OSBPL10: variants seen among roughly 807,000 people sequenced by gnomAD.
OSBPL10 encodes oxysterol-binding protein-related protein 10.
Under a neutral mutation model 81.7 loss-of-function variants are expected in OSBPL10, and 49 were observed. The ratio of observed to expected loss-of-function variants is 0.60; its 90% CI spans 0.48 to 0.76. The LOEUF is 0.76. Ranked by LOEUF, OSBPL10 falls within the 30% of genes least tolerant of loss-of-function variation. The pLI is 0.00. For missense variants in OSBPL10, 923 were observed against 987.8 expected, an observed-to-expected ratio of 0.93 and a Z score of 0.88; for synonymous variants, 419 against 383.6, an observed-to-expected ratio of 1.09 and a Z score of -1.08.
At chr3:31,877,111 T>A (rs1701494403) in intron 2 of OSBPL10, among the ~76,000 whole-genome samples, 1 of 152,106 alleles carries the variant, frequency 6.6e-6, no homozygotes, top group African/African-American at 2.4e-5. Flanking sequence ...TTCACTGTGT[T>A]AGCCAGGATG....
At chr3:31,792,109 G>A (rs909306843) in intron 4 of OSBPL10, among the ~76,000 whole-genome samples, 25 of 151,880 alleles carry the variant, frequency 1.6e-4, no homozygotes, top group Non-Finnish European at 1.2e-4. Context: ...CACATCTGCG[G>A]TCCCAGCTAC....
intron 4 of OSBPL10, among the ~76,000 whole-genome samples, chr3:31,780,016 G>C (rs1290674831): frequency 6.6e-6 from 1 of 152,196 alleles, no homozygotes. Context: ...TAATAGGCCA[G>C]GTGTGGTGGC....
chr3:32,063,762 C>G (rs1356424327), intron 1 of OSBPL10, among the ~76,000 whole-genome samples: 1 of 92,444 alleles, frequency 1.1e-5, no homozygotes, highest in African/African-American at 2.8e-5. Flanking sequence ...CAGTTCCCCA[C>G]TTTCTCGCTG....
chr3:31,773,060 AAACT>A, intron 4 of OSBPL10, among the ~76,000 whole-genome samples: 1 of 152,078 alleles, frequency 6.6e-6, no homozygotes, highest in African/African-American at 2.4e-5. Context: ...TTAAACAAAC[AAACT>A]GACAAATAAA....
chr3:31,995,155 G>A (rs1025324655), intron 2 of OSBPL10, among the ~76,000 whole-genome samples: 6 of 152,162 alleles, frequency 3.9e-5, no homozygotes, highest in Non-Finnish European at 8.8e-5. Context: ...GTATTGTCTT[G>A]ATAAACATCT....
chr3:32,003,781 T>A (rs1468514866), intron 2 of OSBPL10, among the ~76,000 whole-genome samples: 2 of 152,114 alleles, frequency 1.3e-5, no homozygotes, highest in Admixed American at 1.3e-4. Flanking sequence ...AGGGCACCTC[T>A]CTCTGAGAGC....
chr3:32,002,276 A>T (rs924487016), intron 2 of OSBPL10, among the ~76,000 whole-genome samples: 3 of 152,174 alleles, frequency 2.0e-5, no homozygotes, highest in Admixed American at 2.0e-4. Context: ...AACAAAGCCT[A>T]CTCTGAAAAA....
intron 3 of OSBPL10, among the ~76,000 whole-genome samples, chr3:31,861,926 T>C (rs1033637371): frequency 2.0e-5 from 3 of 152,154 alleles, no homozygotes; most frequent in Non-Finnish European, 4.4e-5. Context: ...TGTCCCTTCA[T>C]GTATTCTTAC....
intron 4 of OSBPL10, among the ~76,000 whole-genome samples, chr3:31,812,816 A>AAGAAAGAAAGAAAGAAAGAG (rs1699739630): frequency 3.1e-5 from 1 of 32,424 alleles, no homozygotes; most frequent in Non-Finnish European, 5.7e-5. Flanking sequence ...GAAAGAAAGA[A>AAGAAAGAAAGAAAGAAAGAG]AGAGAAAGAA....
intron 3 of OSBPL10, among the ~76,000 whole-genome samples, chr3:31,876,081 GCTACTAGATTTACGAA>G (rs988576237): frequency 6.6e-6 from 1 of 151,896 alleles, no homozygotes; most frequent in Non-Finnish European, 1.5e-5. Context: ...ATCGGTGATG[GCTACTAGATTTACGAA>G]CTGTAAATCT....
rs150594082 is a variant in OSBPL10, at chr3:31,831,129, G to A, written c.538-898C>T. On this transcript the variant is annotated intron_variant, in intron 3 of 11. Transcript: ENST00000396556. ...AAAGCTATACCACAAAAGCTTAGCCGGGTGCGGTGGCTCACACCTGTAATC... is the reference window on the plus strand; with the variant it reads ...AAAGCTATACCACAAAAGCTTAGCCAGGTGCGGTGGCTCACACCTGTAATC... Among the ~76,000 whole-genome samples the A allele has an allele frequency of 1.4e-4, 22 of 152,232 alleles. No homozygotes were observed. The East Asian group carries it at 1.5e-3, about 11-fold the overall frequency.
At chr3:31,965,058 A>C (rs893039266) in intron 1 of OSBPL10, among the ~76,000 whole-genome samples, 1 of 152,136 alleles carries the variant, frequency 6.6e-6, no homozygotes, top group Non-Finnish European at 1.5e-5. Context: ...AACAATCATC[A>C]AGATAGAACA....
At chr3:31,800,023 A>G (rs1240664683) in intron 4 of OSBPL10, among the ~76,000 whole-genome samples, 1 of 152,134 alleles carries the variant, frequency 6.6e-6, no homozygotes, top group Non-Finnish European at 1.5e-5. Flanking sequence ...GTGCATTTTT[A>G]AATAACCTCT....
intron 1 of OSBPL10, among the ~76,000 whole-genome samples, chr3:31,965,851 A>ATATATTATATATATTATATAAAT (rs1467396829): frequency 0.09 from 5,509 of 60,940 alleles, 816 homozygotes; most frequent in South Asian, 0.22. Context: ...ATTATATAAA[A>ATATATTATATATATTATATAAAT]AGATAATATA....
intron 4 of OSBPL10, among the ~76,000 whole-genome samples, chr3:31,792,740 A>AGAGT (rs1227237967): frequency 1.9e-4 from 25 of 133,606 alleles, no homozygotes; most frequent in Non-Finnish European, 3.2e-4. Flanking sequence ...CCAGACACAG[A>AGAGT]GTGTGTGTGT....
At chr3:31,675,188 G>C (rs1700436049) in intron 8 of OSBPL10, among the ~76,000 whole-genome samples, 1 of 140,598 alleles carries the variant, frequency 7.1e-6, no homozygotes, top group Non-Finnish European at 1.5e-5. Context: ...TGGGAATTGG[G>C]AACTCCCACC....
At chr3:31,870,092 G>T (rs928792606) in intron 3 of OSBPL10, among the ~76,000 whole-genome samples, 1 of 152,234 alleles carries the variant, frequency 6.6e-6, no homozygotes, top group Non-Finnish European at 1.5e-5. Flanking sequence ...GCCAGAGCCG[G>T]CTCCCTCAGC....
intron 4 of OSBPL10, among the ~76,000 whole-genome samples, chr3:31,812,820 GAAAGAAAGAA>G (rs1699741513): frequency 9.5e-6 from 1 of 105,274 alleles, no homozygotes; most frequent in Non-Finnish European, 2.0e-5. Context: ...GAAAGAAAGA[GAAAGAAAGAA>G]AGAAAGAAAG....
At chr3:31,708,919 A>T in intron 6 of OSBPL10, 1 of 985,404 alleles carries the variant, frequency 1.0e-6, no homozygotes, top group Non-Finnish European at 1.2e-6. Flanking sequence ...TATAGCTGGT[A>T]CCCCTTGGCC....
Sources: allele counts gnomAD v4.1 joint callset (sites outside exome capture counted in the v4.1 genomes callset), GRCh38; gene constraint gnomAD v4.1.1; transcripts MANE v1.5; gene names NCBI Gene and HGNC (gene_info 2026-07-23, HGNC 2026-07-21).